The following RARB variants were observed in gnomAD, a reference collection of about 807,000 sequenced individuals.
RARB encodes HBV-activated protein.
Under a neutral mutation model 51.9 loss-of-function variants are expected in RARB, and 17 were observed. The observed-to-expected ratio is 0.33, with a 90% CI of 0.22 to 0.49. RARB has a LOEUF of 0.49. Ranked by LOEUF, RARB falls within the 20% of genes least tolerant of loss-of-function variation. RARB has a pLI of 0.99. For missense variants in RARB, 369 were observed against 550.8 expected (o/e 0.67, Z 3.30); for synonymous variants, 215 against 195.4 (o/e 1.10, Z -0.84).
chr3:25,414,552 C>A (rs1161197882), intron 5 of RARB, among the ~76,000 whole-genome samples: 1 of 152,178 alleles, frequency 6.6e-6, no homozygotes, highest in African/African-American at 2.4e-5. Context: ...AGTTTCTCCA[C>A]AATCACAGCA....
intron 5 of RARB, among the ~76,000 whole-genome samples, chr3:25,420,492 C>T (rs537801954): frequency 5.6e-4 from 85 of 152,328 alleles, no homozygotes; most frequent in Non-Finnish European, 1.1e-3. Context: ...ATTTATCAAA[C>T]CTGTTTAACT....
At chr3:25,469,371 G>A (rs1274621602) in intron 2 of RARB, among the ~76,000 whole-genome samples, 2 of 152,194 alleles carry the variant, frequency 1.3e-5, no homozygotes, top group Non-Finnish European at 2.9e-5. Context: ...GCTGTCTTTG[G>A]AGAATATTTT....
chr3:25,025,824 C>T (rs747920552), intron 2 of RARB, among the ~76,000 whole-genome samples: 2 of 152,066 alleles, frequency 1.3e-5, no homozygotes, highest in Non-Finnish European at 1.5e-5. Context: ...CCATATAAAT[C>T]CCATTAAGTG....
chr3:25,447,122 G>T (rs750391119), intron 1 of RARB, among the ~76,000 whole-genome samples: 1 of 152,268 alleles, frequency 6.6e-6, no homozygotes, highest in South Asian at 2.1e-4. Flanking sequence ...GTTGTCCCCC[G>T]CCATATAAAG....
chr3:25,283,685 C>T (rs2125417153), intron 5 of RARB, among the ~76,000 whole-genome samples: 1 of 152,312 alleles, frequency 6.6e-6, no homozygotes, highest in East Asian at 1.9e-4. Context: ...TCAATACGGT[C>T]ATCTGCTGTG....
chr3:25,163,501 C>CAAAAAAAAAAAAAA (rs1385452358), intron 4 of RARB, among the ~76,000 whole-genome samples: 9 of 78,688 alleles, frequency 1.1e-4, no homozygotes, highest in African/African-American at 4.5e-4. Flanking sequence ...GACCCTATCT[C>CAAAAAAAAAAAAAA]AAAATATATA....
chr3:24,929,917 G>A (rs905953719), intron 2 of RARB, among the ~76,000 whole-genome samples: 1 of 152,044 alleles, frequency 6.6e-6, no homozygotes, highest in Non-Finnish European at 1.5e-5. Context: ...TGTGTATCTT[G>A]TTTTACCTAT....
intron 2 of RARB, among the ~76,000 whole-genome samples, chr3:24,947,712 T>C (rs1695804887): frequency 6.6e-6 from 1 of 152,196 alleles, no homozygotes. Flanking sequence ...GCATGGTCTT[T>C]AGCCATAGTG....
intron 3 of RARB, among the ~76,000 whole-genome samples, chr3:25,129,936 T>C (rs1379418172): frequency 2.0e-5 from 3 of 152,228 alleles, no homozygotes; most frequent in Non-Finnish European, 1.5e-5. Context: ...AGCTCTCTTA[T>C]ATAGGCTTTC....
chr3:25,339,920 A>G (rs2125450141), intron 5 of RARB, among the ~76,000 whole-genome samples: 2 of 152,300 alleles, frequency 1.3e-5, no homozygotes, highest in East Asian at 1.9e-4. Context: ...TTATATTGCA[A>G]TTTAAACAAT....
intron 5 of RARB, among the ~76,000 whole-genome samples, chr3:25,351,514 C>A (rs1705569956): frequency 6.6e-6 from 1 of 152,080 alleles, no homozygotes; most frequent in Non-Finnish European, 1.5e-5. Flanking sequence ...TTTGAATGCC[C>A]AGTCTATTTC....
intron 5 of RARB, among the ~76,000 whole-genome samples, chr3:25,221,713 C>T (rs1701952652): frequency 1.3e-5 from 2 of 152,300 alleles, no homozygotes; most frequent in South Asian, 4.1e-4. Flanking sequence ...AATGCTGCTT[C>T]TAGGAGAACT....
At chr3:25,427,631 T>A (rs1464700062), upstream of RARB, among the ~76,000 whole-genome samples, 1 of 152,144 alleles carries the variant, frequency 6.6e-6, no homozygotes, top group East Asian at 1.9e-4. Flanking sequence ...AGTAAATGAA[T>A]CTCGAAAGCT....
At chr3:25,207,335 A>T (rs145802452) in intron 5 of RARB, among the ~76,000 whole-genome samples, 1 of 152,190 alleles carries the variant, frequency 6.6e-6, no homozygotes, top group African/African-American at 2.4e-5. Flanking sequence ...TTAACGTTCA[A>T]TGACATTATC....
At position 24,832,628 on chromosome 3, in the gene RARB, A is replaced by ATATATATATAT. The variant is rs1559366440; in HGVS notation, c.-459+3225_-459+3226insTATATATATAT. 2.1e-3 allele frequency among the ~76,000 whole-genome samples: 190 copies of ATATATATATAT among 88,436 alleles called. 8 individuals carry two copies. The highest frequency in any genetic ancestry group is 6.1e-3 in the Middle Eastern group (1 of 164). 58.0% of individuals were successfully genotyped at this position (88,436 alleles called of 152,430 possible). On this transcript the variant is annotated intron_variant, in intron 1 of 11. Transcript: ENST00000383772. ...CTGTATTTAGAAAAAATTGAGTCCC[A>ATATATATATAT]ATATATATATATATATATATATAAT... is the stretch of plus-strand genomic sequence containing the variant.
At chr3:25,550,993 C>G (rs139700548) in intron 3 of RARB, among the ~76,000 whole-genome samples, 40 of 152,226 alleles carry the variant, frequency 2.6e-4, no homozygotes, top group African/African-American at 8.9e-4. Context: ...TAAGTTTTAA[C>G]TTGCGAATTT....
intron 5 of RARB, among the ~76,000 whole-genome samples, chr3:25,223,266 T>A (rs1043140964): frequency 7.2e-5 from 11 of 152,226 alleles, no homozygotes; most frequent in Admixed American, 2.0e-4. Flanking sequence ...TGTAGTCTTT[T>A]GACTTCTTTC....
chr3:25,402,006 C>A lies in RARB; in HGVS notation c.179-59187C>A, dbSNP rs534285521. ...TGGCCAGGCTGTCTCAAACTCCTGA[C>A]CTCAAGTGATGCACCCACCTCGGCT... On this transcript the variant is annotated intron_variant, in intron 5 of 11. Transcript: ENST00000383772. 3.3e-5 allele frequency among the ~76,000 whole-genome samples: 5 copies of A among 152,184 alleles called. No individual in the cohort carries two copies. In the South Asian group the frequency reaches 1.0e-3, roughly 32 times the overall value.
intron 4 of RARB, among the ~76,000 whole-genome samples, chr3:25,154,144 T>C (rs987232833): frequency 2.0e-5 from 3 of 152,368 alleles, no homozygotes; most frequent in East Asian, 1.9e-4. Flanking sequence ...AGATATCTTA[T>C]TGATTTTTCC....
Sources: allele counts gnomAD v4.1 joint callset (sites outside exome capture counted in the v4.1 genomes callset), GRCh38; gene constraint gnomAD v4.1.1; transcripts MANE v1.5; gene names NCBI Gene and HGNC (gene_info 2026-07-23, HGNC 2026-07-21).